The following PTPN14 variants were observed in gnomAD, a reference collection of about 807,000 sequenced individuals.
PTPN14 encodes the protein protein tyrosine phosphatase non-receptor type 14.
A neutral mutation model predicts 126.8 loss-of-function variants in PTPN14; 53 were observed. The ratio of observed to expected loss-of-function variants is 0.42; its 90% CI spans 0.34 to 0.53. The LOEUF (loss-of-function observed/expected upper bound fraction) is 0.53. Ranked by LOEUF, PTPN14 falls within the 20% of genes least tolerant of loss-of-function variation. The pLI, the probability that PTPN14 is intolerant of heterozygous loss-of-function variation, is 0.08. For synonymous variants in PTPN14, 630 were observed against 599.3 expected (o/e 1.05, Z -0.75); for missense variants, 1,257 against 1,552.9 (o/e 0.81, Z 3.20).
chr1:214,481,242 A>C (rs1394518549), intron 1 of PTPN14, among the ~76,000 whole-genome samples: 5 of 152,228 alleles, frequency 3.3e-5, no homozygotes, highest in Admixed American at 2.6e-4. Flanking sequence ...GCAGTGGCTC[A>C]CGCCTATAAT....
At chr1:214,540,989 T>C (rs1331680019) in intron 1 of PTPN14, among the ~76,000 whole-genome samples, 2 of 152,144 alleles carry the variant, frequency 1.3e-5, no homozygotes, top group Non-Finnish European at 2.9e-5. Flanking sequence ...TCCCTAAACA[T>C]TTATTGAACA....
At chr1:214,431,835 T>C (rs979032627) in intron 3 of PTPN14, among the ~76,000 whole-genome samples, 2 of 152,188 alleles carry the variant, frequency 1.3e-5, no homozygotes, top group Admixed American at 6.5e-5. Context: ...GAGCTTAGAA[T>C]TGTGCTTGGC....
In PTPN14 at chr1:214,520,756, T is replaced by TC. The variant is rs550560064; in HGVS notation, c.-155+30426dup. Among the ~76,000 whole-genome samples, 56 of 152,248 alleles carry TC rather than the reference T, an allele frequency of 3.7e-4. No individual in the cohort carries two copies. In the South Asian group the frequency reaches 0.012, roughly 32 times the overall value. ...GACTTGTTGAGTTTATTGGGATCAG[T>TC]CTTGTGTTTAAGTGCCTTGTAAATA... On this transcript the variant is annotated intron_variant, in intron 1 of 18. Transcript: ENST00000366956.
chr1:214,495,725 G>T lies in PTPN14; in HGVS notation c.-154-30768C>A, dbSNP rs564123765. Reference sequence around the variant, plus strand: ...TTTATTTACTTCGCAACGGAAATTCGCTCTTGTTGCCCAGGCTGGAGTGCA... The same window carrying T: ...TTTATTTACTTCGCAACGGAAATTCTCTCTTGTTGCCCAGGCTGGAGTGCA... On this transcript the variant is annotated intron_variant, in intron 1 of 18. Transcript: ENST00000366956. Among the ~76,000 whole-genome samples the T allele has an allele frequency of 2.0e-5, 3 of 151,384 alleles. No individual in the cohort carries two copies. In the South Asian group the frequency reaches 6.3e-4, roughly 32 times the overall value.
chr1:214,465,304 T>C (rs1156463843), intron 1 of PTPN14, among the ~76,000 whole-genome samples: 1 of 152,198 alleles, frequency 6.6e-6, no homozygotes, highest in Non-Finnish European at 1.5e-5. Flanking sequence ...TATGCAATGC[T>C]GTCCACTCAA....
At chr1:214,472,448 A>G (rs944653718) in intron 1 of PTPN14, among the ~76,000 whole-genome samples, 2 of 152,220 alleles carry the variant, frequency 1.3e-5, no homozygotes, top group Admixed American at 1.3e-4. Flanking sequence ...CTGCAGAAGC[A>G]TGAGCCAATT....
intron 5 of PTPN14, among the ~76,000 whole-genome samples, chr1:214,410,435 G>A (rs35166549): frequency 0.095 from 14,417 of 151,960 alleles, 902 homozygotes; most frequent in Middle Eastern, 0.14. Context: ...TGGGACTAGA[G>A]GTGTGTGCCA....
chr1:214,452,984 T>A (rs1341656371), intron 2 of PTPN14, among the ~76,000 whole-genome samples: 3 of 152,148 alleles, frequency 2.0e-5, no homozygotes, highest in Non-Finnish European at 4.4e-5. Flanking sequence ...ATTATACAGA[T>A]CAATCCCTGC....
chr1:214,519,085 A>C (rs565560005), intron 1 of PTPN14, among the ~76,000 whole-genome samples: 1 of 152,230 alleles, frequency 6.6e-6, no homozygotes, highest in South Asian at 2.1e-4. Flanking sequence ...CCTGGCCAAC[A>C]TGGTGAAACC....
chr1:214,502,702 A>G (rs1654737049), intron 1 of PTPN14, among the ~76,000 whole-genome samples: 1 of 152,208 alleles, frequency 6.6e-6, no homozygotes, highest in Non-Finnish European at 1.5e-5. Flanking sequence ...AAAATGTTGA[A>G]GACTTGGAAC....
chr1:214,505,221 T>C (rs79225222), intron 1 of PTPN14, among the ~76,000 whole-genome samples: 6,732 of 149,940 alleles, frequency 0.045, 219 homozygotes, highest in Middle Eastern at 0.12. Flanking sequence ...TGGGATCCAA[T>C]GCTAGATGAC....
At chr1:214,391,568 A>G (rs975317557) in intron 10 of PTPN14, among the ~76,000 whole-genome samples, 4 of 152,194 alleles carry the variant, frequency 2.6e-5, no homozygotes, top group Non-Finnish European at 1.5e-5. Context: ...CAGACTAAGA[A>G]GCAACATATT....
chr1:214,445,074 G>A (rs912351267), intron 3 of PTPN14, among the ~76,000 whole-genome samples: 4 of 152,164 alleles, frequency 2.6e-5, no homozygotes, highest in Non-Finnish European at 5.9e-5. Context: ...CCCATACAGA[G>A]ATTAAGTATT....
intron 15 of PTPN14, 125 bp downstream of exon 15, chr1:214,376,094 C>T (rs1658336422): frequency 2.3e-6 from 2 of 852,628 alleles, no homozygotes; most frequent in Non-Finnish European, 3.6e-6. Context: ...AGTTCAAAAA[C>T]AATCCCTGAG....
At chr1:214,359,380 A>ATT (rs772097737) in intron 18 of PTPN14, among the ~76,000 whole-genome samples, 2 of 139,178 alleles carry the variant, frequency 1.4e-5, no homozygotes, top group East Asian at 4.2e-4. Flanking sequence ...TGCCTGGCTA[A>ATT]TTTTTTTTTT....
At chr1:214,447,516 A>C (rs1464439744) in intron 3 of PTPN14, among the ~76,000 whole-genome samples, 1 of 152,146 alleles carries the variant, frequency 6.6e-6, no homozygotes, top group East Asian at 1.9e-4. Flanking sequence ...CAACCTTCCC[A>C]AATAAATGTA....
At chr1:214,425,836 A>G (rs1343364745) in intron 3 of PTPN14, among the ~76,000 whole-genome samples, 2 of 152,118 alleles carry the variant, frequency 1.3e-5, no homozygotes, top group Non-Finnish European at 2.9e-5. Flanking sequence ...GTCATGTATA[A>G]TATTTCCTGT....
intron 3 of PTPN14, among the ~76,000 whole-genome samples, chr1:214,415,238 T>C (rs1284874408): frequency 6.6e-6 from 1 of 152,120 alleles, no homozygotes; most frequent in Non-Finnish European, 1.5e-5. Context: ...ATCAGAAAAA[T>C]CTAATCTGAT....
At chr1:214,441,406 T>C (rs1237438667) in intron 3 of PTPN14, among the ~76,000 whole-genome samples, 1 of 152,220 alleles carries the variant, frequency 6.6e-6, no homozygotes, top group African/African-American at 2.4e-5. Context: ...TTCTAGATTC[T>C]GCTGCTGCTC....
Sources: allele counts gnomAD v4.1 joint callset (sites outside exome capture counted in the v4.1 genomes callset), GRCh38; gene constraint gnomAD v4.1.1; transcripts MANE v1.5; gene names NCBI Gene and HGNC (gene_info 2026-07-23, HGNC 2026-07-21).